The following CFAP251 variants were observed in gnomAD, a reference collection of about 807,000 sequenced individuals.
The protein encoded by CFAP251 is cilia and flagella associated protein 251, also known as cilia- and flagella-associated protein 251.
In CFAP251, 93 loss-of-function variants were observed where a neutral mutation model predicts 126.7. The ratio of observed to expected loss-of-function variants is 0.73; its 90% CI spans 0.62 to 0.87. CFAP251 has a LOEUF of 0.87. Ranked by LOEUF, CFAP251 falls within the 40% of genes least tolerant of loss-of-function variation. The probability of loss-of-function intolerance (pLI) is 0.00; values close to 1 mark genes in which losing one functional copy is unlikely to be tolerated. For missense variants in CFAP251, 1,287 were observed against 1,389.2 expected (o/e 0.93, Z 1.17); for synonymous variants, 503 against 506.9 (o/e 0.99, Z 0.10).
In CFAP251 at chr12:121,974,701, A is replaced by T. The variant is rs1197117120; in HGVS notation, c.2772-543A>T. 6.6e-6 allele frequency among the ~76,000 whole-genome samples: 1 copy of T among 152,178 alleles called. No homozygotes were observed. The highest frequency in any genetic ancestry group is 2.4e-5 in the African/African-American group (1 of 41,436). On this transcript the variant is annotated intron_variant, in intron 17 of 21. Transcript: ENST00000288912. The surrounding 1 kb of genome is among the most constrained non-coding windows in gnomAD (Gnocchi z 4.6). ...GTCTCATACAAAAGTAGGTTTTCTT[A>T]CCATTGAAAGGGCCTATTTTTGGAA... is the stretch of plus-strand genomic sequence containing the variant.
intron 15 of CFAP251, among the ~76,000 whole-genome samples, chr12:121,963,692 G>A (rs1565915308): frequency 1.3e-5 from 2 of 149,190 alleles, no homozygotes; most frequent in African/African-American, 4.9e-5. Flanking sequence ...TGTGCCTCGA[G>A]TACAGCAGGG....
At chr12:121,934,114 G>A in intron 4 of CFAP251, 133 bp from the exon 5 acceptor site, 1 of 637,076 alleles carries the variant, frequency 1.6e-6, no homozygotes, top group Non-Finnish European at 2.6e-6. Flanking sequence ...AAGGCCAGCG[G>A]GAACAGAATT....
chr12:121,969,644 C>A, intron 17 of CFAP251: 1 of 776,676 alleles, frequency 1.3e-6, no homozygotes, highest in Non-Finnish European at 1.6e-6. Context: ...TGCCAATGTG[C>A]CTGGCTAACT....
intron 19 of CFAP251, among the ~76,000 whole-genome samples, chr12:121,977,240 TC>T (rs1297434969): frequency 6.6e-6 from 1 of 152,154 alleles, no homozygotes; most frequent in African/African-American, 2.4e-5. Context: ...TCTAAGCATA[TC>T]TAAATGAAGA....
chr12:121,992,798 C>G (rs1243673206), intron 19 of CFAP251, among the ~76,000 whole-genome samples: 1 of 152,104 alleles, frequency 6.6e-6, no homozygotes, highest in African/African-American at 2.4e-5. Context: ...CTGTCTCAAG[C>G]TCCTAAAACG....
intron 19 of CFAP251, among the ~76,000 whole-genome samples, chr12:121,979,678 C>A (rs1882570163): frequency 6.8e-6 from 1 of 146,480 alleles, no homozygotes; most frequent in African/African-American, 2.5e-5. Flanking sequence ...GATTCTCCTG[C>A]CTCAGCCTCC....
At chr12:121,990,219 G>A (rs1236246006) in intron 19 of CFAP251, among the ~76,000 whole-genome samples, 1 of 152,210 alleles carries the variant, frequency 6.6e-6, no homozygotes, top group Non-Finnish European at 1.5e-5. Flanking sequence ...CCTGCCCCAT[G>A]TGTCCTCCCA....
At chr12:121,982,429 G>T (rs941492018) in intron 19 of CFAP251, among the ~76,000 whole-genome samples, 7 of 151,718 alleles carry the variant, frequency 4.6e-5, no homozygotes, top group African/African-American at 1.7e-4. Flanking sequence ...GCCCAGGCTG[G>T]AGTGCAATGG....
At chr12:121,950,054 T>G (rs1359778516) in intron 8 of CFAP251, 1 of 152,234 alleles carries the variant, frequency 6.6e-6, no homozygotes. Flanking sequence ...GCACTATTTG[T>G]AATAACCAAA....
At chr12:121,998,432 A>AATATATATAT (rs71082926) in intron 19 of CFAP251, 4 of 85,656 alleles carry the variant, frequency 4.7e-5, no homozygotes, top group Admixed American at 1.3e-4. Context: ...TTTTTAGTGT[A>AATATATATAT]ATATATATAT....
intron 15 of CFAP251, among the ~76,000 whole-genome samples, chr12:121,962,969 G>A (rs1881995420): frequency 6.6e-6 from 1 of 152,214 alleles, no homozygotes; most frequent in Admixed American, 6.5e-5. Flanking sequence ...GCAGGTCAGA[G>A]GTACGGGCTG....
chr12:121,961,144 G>A (rs1881920236), intron 14 of CFAP251, among the ~76,000 whole-genome samples: 1 of 152,164 alleles, frequency 6.6e-6, no homozygotes, highest in Non-Finnish European at 1.5e-5. Flanking sequence ...GAGAGGTTGT[G>A]AGATAAGAGG....
chr12:121,999,671 T>C, intron 19 of CFAP251, 45 bp from the exon 20 acceptor site: 1 of 1,488,408 alleles, frequency 6.7e-7, no homozygotes, highest in Non-Finnish European at 9.2e-7. Flanking sequence ...CCTGGTGCCT[T>C]TTCTATTTAC....
chr12:121,969,822 G>T (rs1882273677), intron 17 of CFAP251: 1 of 985,268 alleles, frequency 1.0e-6, no homozygotes, highest in African/African-American at 1.7e-5. Flanking sequence ...GTCGTCGTGG[G>T]ATCTGGAATG....
At chr12:121,934,874 A>G (rs1249385744) in intron 5 of CFAP251, among the ~76,000 whole-genome samples, 1 of 152,218 alleles carries the variant, frequency 6.6e-6, no homozygotes, top group Non-Finnish European at 1.5e-5. Context: ...TGGCGCAATC[A>G]TAGCTCATTG....
intron 19 of CFAP251, among the ~76,000 whole-genome samples, chr12:121,977,751 C>G (rs528598889): frequency 6.7e-6 from 1 of 150,236 alleles, no homozygotes; most frequent in Non-Finnish European, 1.5e-5. Flanking sequence ...GTCAGAAGAT[C>G]GAGACCATCC....
intron 19 of CFAP251, among the ~76,000 whole-genome samples, chr12:121,990,049 G>A (rs1882841921): frequency 2.0e-5 from 3 of 152,080 alleles, no homozygotes; most frequent in Admixed American, 2.0e-4. Flanking sequence ...AGCAGTCGGG[G>A]CAACAGAGGC....
intron 19 of CFAP251, among the ~76,000 whole-genome samples, chr12:121,979,788 A>C (rs548215509): frequency 1.0e-4 from 15 of 150,312 alleles, no homozygotes; most frequent in African/African-American, 2.9e-4. Flanking sequence ...CTGGTCTCGA[A>C]CTCCTGACCT....
chr12:121,971,138 G>T (rs1882316925), intron 17 of CFAP251, among the ~76,000 whole-genome samples: 1 of 152,242 alleles, frequency 6.6e-6, no homozygotes, highest in South Asian at 2.1e-4. Flanking sequence ...CTGCTCCAGA[G>T]CCACATGGCT....
Sources: gnomAD v4.1 joint callset for allele counts (sites outside exome capture counted in the v4.1 genomes callset) on GRCh38, gnomAD v4.1.1 for gene constraint, Gnocchi (gnomAD v3.1) non-coding constraint, MANE v1.5 for transcripts, NCBI Gene and HGNC (gene_info 2026-07-23, HGNC 2026-07-21) for gene names.